The following PHF2 variants were observed in gnomAD, a reference collection of about 807,000 sequenced individuals.
The protein encoded by PHF2 is PHD finger protein 2.
Under a neutral mutation model 120.5 loss-of-function variants are expected in PHF2, and 27 were observed. That is an observed-to-expected ratio of 0.22 (90% CI 0.17 to 0.31). The LOEUF is 0.31. Ranked by LOEUF, PHF2 falls within the 10% of genes least tolerant of loss-of-function variation. The pLI, the probability that PHF2 is intolerant of heterozygous loss-of-function variation, is 1.00. For missense variants in PHF2, 1,024 were observed against 1,434.8 expected (o/e 0.71, Z 4.63); for synonymous variants, 568 against 592.5 (o/e 0.96, Z 0.60).
In PHF2 at chr9:93,657,750, G is replaced by A. The variant is rs545738579; in HGVS notation, c.1148-395G>A. Among the ~76,000 whole-genome samples, 37 of 152,306 alleles carry A rather than the reference G, an allele frequency of 2.4e-4. 1 individual carries two copies. The highest frequency in any genetic ancestry group is 3.9e-4 in the Admixed American group (6 of 15,310). The stretch of plus-strand genomic sequence containing the variant: ...TGGTCCCTACACTGTGCTAAGGGGC[G>A]CCATGAGGTGGGAAGAGATGCTTGG... On this transcript the variant is annotated intron_variant, in intron 9 of 21. Transcript: ENST00000359246.
chr9:93,615,119 TG>T (rs1430184435), intron 1 of PHF2, among the ~76,000 whole-genome samples: 3 of 151,474 alleles, frequency 2.0e-5, no homozygotes, highest in African/African-American at 7.3e-5. Context: ...GTGATGGTGA[TG>T]GCGATGATGA....
At chr9:93,580,609 T>C (rs970795676) in intron 1 of PHF2, among the ~76,000 whole-genome samples, 2 of 152,244 alleles carry the variant, frequency 1.3e-5, no homozygotes, top group African/African-American at 2.4e-5. Context: ...ATCCTTAACA[T>C]GTAGCTTTCT....
chr9:93,647,378 C>T (rs377721304), intron 4 of PHF2, among the ~76,000 whole-genome samples: 46 of 152,338 alleles, frequency 3.0e-4, no homozygotes, highest in African/African-American at 1.0e-3. Flanking sequence ...GTTCCCTCCA[C>T]AGCTGTCCCT....
rs1285810011 is a variant in PHF2, at chr9:93,603,496, C to T, written c.99-26474C>T. Among the ~76,000 whole-genome samples the T allele has an allele frequency of 4.6e-5, 7 of 152,248 alleles. No homozygotes were observed. The East Asian group carries it at 1.4e-3, about 29-fold the overall frequency. On this transcript the variant is annotated intron_variant, in intron 1 of 21. Transcript: ENST00000359246. ...GACACACTGCTGGGGTCACTGTTCCCCTCTGGGCCAGCCCTCACCTTGGGA... is the reference window on the plus strand; with the variant it reads ...GACACACTGCTGGGGTCACTGTTCCTCTCTGGGCCAGCCCTCACCTTGGGA...
chr9:93,676,457 CAG>C (rs1826912385), intron 20 of PHF2, 135 bp from the exon 21 acceptor site: 11 of 1,044,734 alleles, frequency 1.1e-5, no homozygotes, highest in Non-Finnish European at 1.2e-5. Flanking sequence ...CCTGGCGGCC[CAG>C]AGTCAGGCCT....
chr9:93,587,502 G>C (rs78737444), intron 1 of PHF2, among the ~76,000 whole-genome samples: 62 of 144,766 alleles, frequency 4.3e-4, no homozygotes, highest in South Asian at 1.6e-3. Flanking sequence ...GAGGAGCCCC[G>C]GGTGAGGGAT....
chr9:93,584,802 A>G (rs1863005243), intron 1 of PHF2, among the ~76,000 whole-genome samples: 1 of 152,098 alleles, frequency 6.6e-6, no homozygotes. Flanking sequence ...TTTGATAGGG[A>G]TTGTGTTCAG....
chr9:93,609,343 C>G (rs1693247437), intron 1 of PHF2, among the ~76,000 whole-genome samples: 1 of 152,020 alleles, frequency 6.6e-6, no homozygotes, highest in Non-Finnish European at 1.5e-5. Flanking sequence ...TTATTTTATC[C>G]TCACTTGTTA....
chr9:93,597,392 G>A (rs1284726616), intron 1 of PHF2, among the ~76,000 whole-genome samples: 1 of 152,184 alleles, frequency 6.6e-6, no homozygotes, highest in Non-Finnish European at 1.5e-5. Flanking sequence ...CAGAGACCAT[G>A]CAGACCCTTG....
chr9:93,671,184 A>C (rs1826778584), intron 17 of PHF2: 1 of 979,478 alleles, frequency 1.0e-6, no homozygotes, highest in African/African-American at 1.8e-5. Flanking sequence ...ACAGGTGTAG[A>C]TGCAGCTGTG....
At chr9:93,629,878 A>T in intron 1 of PHF2, 92 bp from the exon 2 acceptor site, 3 of 1,248,808 alleles carry the variant, frequency 2.4e-6, no homozygotes, top group Non-Finnish European at 3.5e-6. Flanking sequence ...TTCCCAGACA[A>T]TGAGCAGGGA....
intron 5 of PHF2, among the ~76,000 whole-genome samples, chr9:93,650,696 C>G (rs1193903333): frequency 2.6e-5 from 4 of 152,162 alleles, no homozygotes; most frequent in Non-Finnish European, 5.9e-5. Context: ...GCTGTCAGCT[C>G]GGGTGTGGTC....
intron 1 of PHF2, among the ~76,000 whole-genome samples, chr9:93,581,593 A>AGGTG (rs1263874989): frequency 7.9e-5 from 12 of 152,168 alleles, no homozygotes; most frequent in Admixed American, 5.2e-4. Flanking sequence ...TTTCCAAAGG[A>AGGTG]GGTGTGTCTT....
chr9:93,608,813 T>A (rs1825587643), intron 1 of PHF2, among the ~76,000 whole-genome samples: 1 of 152,138 alleles, frequency 6.6e-6, no homozygotes, highest in Admixed American at 6.5e-5. Flanking sequence ...CTTGTTTTTT[T>A]AAATTTTATT....
intron 12 of PHF2, among the ~76,000 whole-genome samples, chr9:93,661,634 A>G (rs981793237): frequency 1.3e-4 from 19 of 150,430 alleles, no homozygotes; most frequent in African/African-American, 4.4e-4. Context: ...TGGAAGGACG[A>G]ATAAATGAAT....
At chr9:93,588,618 A>G (rs914772719) in intron 1 of PHF2, among the ~76,000 whole-genome samples, 6 of 152,168 alleles carry the variant, frequency 3.9e-5, no homozygotes, top group African/African-American at 1.4e-4. Flanking sequence ...TGGGCTGGGC[A>G]CGGTGGCTCA....
At chr9:93,662,533 CGGATGGATGGAT>C (rs138382841) in intron 12 of PHF2, among the ~76,000 whole-genome samples, 48,672 of 111,614 alleles carry the variant, frequency 0.44, 8,445 homozygotes, top group Non-Finnish European at 0.52. Context: ...GATGGGTGGG[CGGATGGATGGAT>C]GGATGGATGG....
At chr9:93,602,243 G>A (rs1177533075) in intron 1 of PHF2, among the ~76,000 whole-genome samples, 1 of 110,534 alleles carries the variant, frequency 9.0e-6, no homozygotes, top group Admixed American at 1.0e-4. Flanking sequence ...CATTCCTAGA[G>A]ATTCTTTTTT....
intron 14 of PHF2, 27 bp from the exon 15 acceptor site, chr9:93,665,659 C>T (rs763919914): frequency 1.2e-6 from 2 of 1,609,910 alleles, no homozygotes; most frequent in Admixed American, 1.7e-5. Flanking sequence ...TATGTGGATG[C>T]TGCTGACCCA....
Sources: allele counts gnomAD v4.1 joint callset (sites outside exome capture counted in the v4.1 genomes callset), GRCh38; gene constraint gnomAD v4.1.1; transcripts MANE v1.5; gene names NCBI Gene and HGNC (gene_info 2026-07-23, HGNC 2026-07-21).